Variants in GRID2 observed in about 807,000 individuals in gnomAD.
The protein encoded by GRID2 is glutamate ionotropic receptor delta type subunit 2, also known as glutamate receptor ionotropic, delta-2.
Under a neutral mutation model 114.8 loss-of-function variants are expected in GRID2, and 33 were observed. That is an observed-to-expected ratio of 0.29 (90% CI 0.22 to 0.38). The LOEUF is 0.38. Among genes scored for constraint, GRID2 ranks in the 10% least tolerant of loss-of-function variants. GRID2 has a pLI of 1.00. For missense variants in GRID2, 1,184 were observed against 1,257.7 expected, an observed-to-expected ratio of 0.94 and a Z score of 0.89; for synonymous variants, 505 against 449.9, an observed-to-expected ratio of 1.12 and a Z score of -1.55.
At chr4:92,555,176 C>T (rs765776025) in intron 1 of GRID2, among the ~76,000 whole-genome samples, 12 of 151,926 alleles carry the variant, frequency 7.9e-5, no homozygotes, top group Non-Finnish European at 1.6e-4. Flanking sequence ...TATTTAATAT[C>T]TGTAGGGTAT....
intron 2 of GRID2, among the ~76,000 whole-genome samples, chr4:93,013,120 A>G (rs1035969308): frequency 6.6e-6 from 1 of 152,066 alleles, no homozygotes; most frequent in African/African-American, 2.4e-5. Context: ...GAAAGGTTGC[A>G]CTAGTGATTA....
At chr4:93,543,329 A>G (rs1560734015) in intron 13 of GRID2, among the ~76,000 whole-genome samples, 1 of 152,172 alleles carries the variant, frequency 6.6e-6, no homozygotes, top group Non-Finnish European at 1.5e-5. Context: ...TAATAAATAC[A>G]TTTTAAAAGC....
intron 5 of GRID2, among the ~76,000 whole-genome samples, chr4:93,211,022 A>T (rs1743404750): frequency 1.3e-5 from 2 of 152,118 alleles, no homozygotes; most frequent in South Asian, 4.1e-4. Flanking sequence ...CTCTTTAGAG[A>T]AATGGATTAA....
At chr4:92,921,106 T>C (rs570125337) in intron 2 of GRID2, among the ~76,000 whole-genome samples, 5 of 152,234 alleles carry the variant, frequency 3.3e-5, no homozygotes, top group East Asian at 1.9e-4. Context: ...ATTTCATCTT[T>C]CATCACTGAT....
intron 2 of GRID2, among the ~76,000 whole-genome samples, chr4:92,755,865 G>C (rs1266043902): frequency 6.6e-6 from 1 of 152,094 alleles, no homozygotes; most frequent in Non-Finnish European, 1.5e-5. Context: ...GTTCATATCT[G>C]TGGGATACAT....
At chr4:93,353,830 C>T (rs1761038774) in intron 8 of GRID2, among the ~76,000 whole-genome samples, 2 of 151,994 alleles carry the variant, frequency 1.3e-5, no homozygotes, top group South Asian at 4.1e-4. Context: ...CTATTTTACT[C>T]CATTTAGCCT....
intron 2 of GRID2, among the ~76,000 whole-genome samples, chr4:92,885,940 C>T (rs1578388110): frequency 6.6e-6 from 1 of 152,042 alleles, no homozygotes; most frequent in African/African-American, 2.4e-5. Flanking sequence ...TGGTAATATA[C>T]TATTTCTTTG....
intron 13 of GRID2, among the ~76,000 whole-genome samples, chr4:93,587,093 C>A (rs550662469): frequency 1.3e-5 from 2 of 152,044 alleles, no homozygotes; most frequent in Non-Finnish European, 2.9e-5. Context: ...TATGAAGTTT[C>A]TTTCTGTCTA....
At chr4:93,000,681 A>G (rs1468794913) in intron 2 of GRID2, among the ~76,000 whole-genome samples, 1 of 151,576 alleles carries the variant, frequency 6.6e-6, no homozygotes, top group East Asian at 1.9e-4. Context: ...TTTTCTATAT[A>G]TGTTTCATAC....
intron 1 of GRID2, among the ~76,000 whole-genome samples, chr4:92,313,081 ATGTGTG>A (rs144557382): frequency 0.089 from 12,948 of 144,720 alleles, 1,177 homozygotes; most frequent in African/African-American, 0.23. Context: ...AAACTCTGAT[ATGTGTG>A]TGTGTGTGTG....
At chr4:93,076,134 G>A (rs1729271930) in intron 2 of GRID2, among the ~76,000 whole-genome samples, 1 of 151,988 alleles carries the variant, frequency 6.6e-6, no homozygotes, top group South Asian at 2.1e-4. Context: ...ATCTGACCTA[G>A]TGATCAGCCT....
At chr4:92,605,037 A>T (rs1295320552) in intron 2 of GRID2, among the ~76,000 whole-genome samples, 1 of 151,968 alleles carries the variant, frequency 6.6e-6, no homozygotes, top group Non-Finnish European at 1.5e-5. Flanking sequence ...CCTTCCTGAT[A>T]CCTTGTGAAG....
intron 8 of GRID2, among the ~76,000 whole-genome samples, chr4:93,350,704 T>C (rs1188246370): frequency 1.3e-5 from 2 of 152,056 alleles, no homozygotes; most frequent in African/African-American, 4.8e-5. Flanking sequence ...CTAATAAGTC[T>C]TTTTTGAAGA....
rs1729074541 is a variant in GRID2 at position 93,074,328 on chromosome 4, AAAC to A, written c.245-10664_245-10662del. Among the ~76,000 whole-genome samples, 4 of 152,320 alleles carry A rather than the reference AAAC, an allele frequency of 2.6e-5. No individual in the cohort carries two copies. In the South Asian group the frequency reaches 8.3e-4, roughly 32 times the overall value. The stretch of plus-strand genomic sequence containing the variant: ...CTAAAATTATAAGAAACATTAGAAA[AAAC>A]AATCCATTGTCAAGATGTAAAGCAA... On this transcript the variant is annotated intron_variant, in intron 2 of 15. Coordinates refer to ENST00000282020, the MANE Select transcript of GRID2 (RefSeq NM_001510.4).
intron 2 of GRID2, among the ~76,000 whole-genome samples, chr4:92,794,874 TTA>T (rs34559735): frequency 0.026 from 2,736 of 105,966 alleles, 36 homozygotes; most frequent in Middle Eastern, 0.034. Context: ...AATAATTGTT[TTA>T]TATATATATA....
At chr4:93,083,044 A>C (rs2149319717) in intron 2 of GRID2, among the ~76,000 whole-genome samples, 1 of 152,286 alleles carries the variant, frequency 6.6e-6, no homozygotes, top group East Asian at 1.9e-4. Flanking sequence ...ATAACTGTAT[A>C]AATTTTGTGG....
intron 8 of GRID2, among the ~76,000 whole-genome samples, chr4:93,382,259 A>T (rs946737621): frequency 2.0e-5 from 3 of 152,038 alleles, no homozygotes; most frequent in Admixed American, 6.6e-5. Context: ...TGAGCTTCTT[A>T]AATGTTTATA....
In GRID2 at chr4:92,504,899, A is replaced by T. The variant is rs1723876989; in HGVS notation, c.89-85232A>T. Among the ~76,000 whole-genome samples the T allele has an allele frequency of 1.3e-5, 2 of 152,078 alleles. 1 individual carries two copies. Among genetic ancestry groups the T allele is most frequent in the South Asian group, 4.1e-4 (2 of 4,826 alleles). ...CCAATAATATTCAGAATTTTTTTCC[A>T]ATATAAATATTTATACTAGAAAATA... On this transcript the variant is annotated intron_variant, in intron 1 of 15. Transcript: ENST00000282020.
chr4:93,182,634 T>G (rs1429532207), intron 4 of GRID2, among the ~76,000 whole-genome samples: 4 of 152,260 alleles, frequency 2.6e-5, no homozygotes, highest in Admixed American at 6.5e-5. Flanking sequence ...TCAAGTTTCC[T>G]TATTGTTCTG....
Sources: gnomAD v4.1 joint callset for allele counts (sites outside exome capture counted in the v4.1 genomes callset) on GRCh38, gnomAD v4.1.1 for gene constraint, MANE v1.5 for transcripts, NCBI Gene and HGNC (gene_info 2026-07-23, HGNC 2026-07-21) for gene names.